Variants in CACNA1D observed in about 807,000 individuals in gnomAD.
CACNA1D encodes calcium voltage-gated channel subunit alpha1 D.
CACNA1D carries 55 observed loss-of-function variants against 257.1 expected under a neutral mutation model. The observed-to-expected ratio is 0.21, with a 90% CI of 0.17 to 0.27. The LOEUF (loss-of-function observed/expected upper bound fraction) is 0.27. CACNA1D is among the 10% of genes least tolerant of loss of function. The probability of loss-of-function intolerance (pLI) is 1.00; values close to 1 mark genes in which losing one functional copy is unlikely to be tolerated. For synonymous variants in CACNA1D, 980 were observed against 1,014.9 expected (o/e 0.97, Z 0.65); for missense variants, 1,876 against 2,784.0 (o/e 0.67, Z 7.34).
chr3:53,550,856 G>T (rs1575834609), intron 3 of CACNA1D, among the ~76,000 whole-genome samples: 1 of 152,084 alleles, frequency 6.6e-6, no homozygotes, highest in African/African-American at 2.4e-5. Flanking sequence ...ACTTAAATGA[G>T]CAATTATATC....
chr3:53,572,699 C>G (rs1206088809), intron 3 of CACNA1D, among the ~76,000 whole-genome samples: 1 of 152,198 alleles, frequency 6.6e-6, no homozygotes, highest in Admixed American at 6.5e-5. Flanking sequence ...AGTGCCCAGC[C>G]TTCTGGATTT....
At chr3:53,674,470 C>A (rs927657228) in intron 8 of CACNA1D, among the ~76,000 whole-genome samples, 7 of 152,360 alleles carry the variant, frequency 4.6e-5, no homozygotes, top group African/African-American at 1.7e-4. Context: ...CATGGCCTTA[C>A]AGAGACCCCG....
At chr3:53,648,842 A>ACG (rs1219492550) in intron 3 of CACNA1D, among the ~76,000 whole-genome samples, 1 of 151,838 alleles carries the variant, frequency 6.6e-6, no homozygotes, top group African/African-American at 2.4e-5. Context: ...ACACACACAC[A>ACG]CACACACACA....
intron 26 of CACNA1D, among the ~76,000 whole-genome samples, chr3:53,747,925 C>T (rs983267686): frequency 2.6e-5 from 4 of 152,204 alleles, no homozygotes; most frequent in African/African-American, 9.7e-5. Flanking sequence ...TCTCCCCACC[C>T]GTTAAAAATG....
intron 5 of CACNA1D, among the ~76,000 whole-genome samples, chr3:53,665,404 C>T (rs2094251574): frequency 6.6e-6 from 1 of 152,148 alleles, no homozygotes; most frequent in Admixed American, 6.5e-5. Flanking sequence ...GAATGATGAA[C>T]TTTGACATTG....
chr3:53,502,092 G>C (rs1422507697), intron 3 of CACNA1D, among the ~76,000 whole-genome samples: 2 of 149,604 alleles, frequency 1.3e-5, no homozygotes, highest in African/African-American at 2.5e-5. Context: ...TCTTGGGAGT[G>C]GTGGGTACTT....
chr3:53,597,542 G>T (rs1439842571), intron 3 of CACNA1D, among the ~76,000 whole-genome samples: 3 of 152,222 alleles, frequency 2.0e-5, no homozygotes, highest in African/African-American at 7.2e-5. Flanking sequence ...TTTACTGAGG[G>T]AGAGGAGTCC....
intron 9 of CACNA1D, among the ~76,000 whole-genome samples, chr3:53,708,265 A>G (rs2094713097): frequency 1.3e-5 from 2 of 152,246 alleles, no homozygotes; most frequent in Admixed American, 6.5e-5. Context: ...TCACCATTGA[A>G]CTACCTCAAG....
intron 3 of CACNA1D, among the ~76,000 whole-genome samples, chr3:53,543,437 G>A (rs568296109): frequency 6.6e-6 from 1 of 152,112 alleles, no homozygotes; most frequent in South Asian, 2.1e-4. Flanking sequence ...GCAGGATTCA[G>A]GGCCCTCTCT....
intron 3 of CACNA1D, among the ~76,000 whole-genome samples, chr3:53,519,327 T>C (rs1406535529): frequency 2.6e-5 from 4 of 152,246 alleles, no homozygotes; most frequent in African/African-American, 4.8e-5. Context: ...TGCTTTTTTT[T>C]TCTTGCCTGT....
chr3:53,590,469 T>A (rs1350282389), intron 3 of CACNA1D, among the ~76,000 whole-genome samples: 1 of 152,234 alleles, frequency 6.6e-6, no homozygotes, highest in Non-Finnish European at 1.5e-5. Context: ...CTTCTGTTCC[T>A]TCATGCCCAT....
At chr3:53,515,165 C>T (rs145113959) in intron 3 of CACNA1D, among the ~76,000 whole-genome samples, 1 of 152,286 alleles carries the variant, frequency 6.6e-6, no homozygotes, top group Non-Finnish European at 1.5e-5. Flanking sequence ...GTTCAAAGCT[C>T]AGCACACTAC....
intron 3 of CACNA1D, among the ~76,000 whole-genome samples, chr3:53,588,631 C>T (rs1436790952): frequency 6.6e-6 from 1 of 152,186 alleles, no homozygotes; most frequent in African/African-American, 2.4e-5. Context: ...CTTGTTTTCC[C>T]TGAGAGCAGC....
chr3:53,670,779 C>G (rs1323815324), intron 7 of CACNA1D, among the ~76,000 whole-genome samples: 9 of 152,150 alleles, frequency 5.9e-5, no homozygotes, highest in Non-Finnish European at 1.2e-4. Context: ...CAGTGGAAGC[C>G]AGTTTCTTCA....
intron 3 of CACNA1D, among the ~76,000 whole-genome samples, chr3:53,580,282 C>T (rs983998889): frequency 6.6e-6 from 1 of 152,220 alleles, no homozygotes; most frequent in Non-Finnish European, 1.5e-5. Context: ...TCTGCTCATT[C>T]ACCCATAGTG....
intron 3 of CACNA1D, among the ~76,000 whole-genome samples, chr3:53,537,264 T>G (rs2092141794): frequency 6.6e-6 from 1 of 152,148 alleles, no homozygotes; most frequent in African/African-American, 2.4e-5. Flanking sequence ...ACTCTTAACC[T>G]TTTACTATGA....
intron 3 of CACNA1D, among the ~76,000 whole-genome samples, chr3:53,584,745 A>C (rs1209158402): frequency 6.6e-6 from 1 of 152,186 alleles, no homozygotes; most frequent in African/African-American, 2.4e-5. Context: ...TGGTCAGTGG[A>C]TTGCTGCAGC....
chr3:53,668,532 T>C (rs772462785), intron 7 of CACNA1D, among the ~76,000 whole-genome samples: 8 of 152,168 alleles, frequency 5.3e-5, no homozygotes, highest in Non-Finnish European at 1.2e-4. Context: ...TCTCAAGCCA[T>C]TCATAAACTT....
chr3:53,771,029 G>C (rs1485425486), intron 32 of CACNA1D, among the ~76,000 whole-genome samples: 1 of 152,192 alleles, frequency 6.6e-6, no homozygotes, highest in African/African-American at 2.4e-5. Context: ...CACCTGGAAG[G>C]GTCACAGAGT....
Sources: gnomAD v4.1 joint callset for allele counts (sites outside exome capture counted in the v4.1 genomes callset) on GRCh38, gnomAD v4.1.1 for gene constraint, MANE v1.5 for transcripts, NCBI Gene and HGNC (gene_info 2026-07-23, HGNC 2026-07-21) for gene names.